Variants in REV3L observed in about 807,000 individuals in gnomAD.
The protein encoded by REV3L is DNA polymerase zeta catalytic subunit.
REV3L carries 69 observed loss-of-function variants against 299.4 expected under a neutral mutation model. The ratio of observed to expected loss-of-function variants is 0.23; its 90% CI spans 0.19 to 0.28. REV3L has a LOEUF of 0.28. Among genes scored for constraint, REV3L ranks in the 10% least tolerant of loss-of-function variants. The pLI, the probability that REV3L is intolerant of heterozygous loss-of-function variation, is 1.00. For synonymous variants in REV3L, 1,238 were observed against 1,271.4 expected, an observed-to-expected ratio of 0.97 and a Z score of 0.56; for missense variants, 3,128 against 3,693.8, an observed-to-expected ratio of 0.85 and a Z score of 3.97.
chr6:111,364,325 T>C (rs966178555), intron 15 of REV3L, among the ~76,000 whole-genome samples: 1 of 152,136 alleles, frequency 6.6e-6, no homozygotes, highest in Non-Finnish European at 1.5e-5. Flanking sequence ...AAGCAATCAA[T>C]ATATTTCCAA....
At chr6:111,314,507 TC>T (rs1773313169) in intron 27 of REV3L, among the ~76,000 whole-genome samples, 1 of 152,180 alleles carries the variant, frequency 6.6e-6, no homozygotes, top group Admixed American at 6.5e-5. Context: ...TGGCTGATGT[TC>T]CAACTAGTAG....
intron 1 of REV3L, among the ~76,000 whole-genome samples, chr6:111,439,254 T>C (rs1343956005): frequency 6.6e-6 from 1 of 152,196 alleles, no homozygotes; most frequent in Non-Finnish European, 1.5e-5. Flanking sequence ...GATTTTCTTA[T>C]TTGAGTTCAA....
intron 1 of REV3L, among the ~76,000 whole-genome samples, chr6:111,446,638 T>C (rs1263219880): frequency 6.6e-6 from 1 of 151,976 alleles, no homozygotes; most frequent in African/African-American, 2.4e-5. Flanking sequence ...GAGGCAGAGG[T>C]TGCAGTGAGC....
At chr6:111,392,777 A>G in intron 5 of REV3L, 99 bp downstream of exon 5, 1 of 728,948 alleles carries the variant, frequency 1.4e-6, no homozygotes, top group East Asian at 2.7e-5. Context: ...AAAAGATCCA[A>G]TACAATAAAA....
Position 111,343,967 on chromosome 6 carries a change from C to T in REV3L, c.7496G>A (p.Arg2499Gln), listed in dbSNP as rs779309475. 6.2e-7 allele frequency: 1 copy of T among 1,613,138 alleles called. No homozygotes were observed. Among genetic ancestry groups the T allele is most frequent in the Non-Finnish European group, 8.5e-7 (1 of 1,179,600 alleles). The change falls in exon 21 of 32, where the codon CGA becomes CAA. Residue 2499 changes from arginine (R) to glutamine (Q), a missense_variant. Coordinates refer to ENST00000368802, the MANE Select transcript of REV3L (RefSeq NM_001372078.1). ...LHQRFPLFTF[R>Q]VLSDWFDNKT... Reference sequence around the variant, plus strand: ...GTTATCAAACCAGTCTGACAAGACTCGAAAGGTAAAGAGGGGAAAACGCTG... The same window carrying T: ...GTTATCAAACCAGTCTGACAAGACTTGAAAGGTAAAGAGGGGAAAACGCTG...
chr6:111,466,581 A>T (rs1791543622), intron 1 of REV3L, among the ~76,000 whole-genome samples: 1 of 152,226 alleles, frequency 6.6e-6, no homozygotes, highest in Admixed American at 6.5e-5. Flanking sequence ...TCATGCCTGT[A>T]ATCTCAGCAC....
rs758477587 is a variant in REV3L, at chr6:111,374,300, G to A, written c.4055C>T (p.Thr1352Met). ...GTCAAATATATTTTTTTGAATTAAC[G>A]TTGATTCCTTTAGAGTAAACATAGC... The part of the protein sequence containing the change: ...QSAMFTLKES[T>M]LIQKNIFDLS... The change falls in exon 13 of 32, where the codon ACG (threonine) becomes ATG (methionine). Residue 1352 changes from threonine to methionine, a missense_variant. Physicochemically the swap from Thr to Met is moderately conservative, Grantham distance 81. Coordinates refer to ENST00000368802, the MANE Select transcript of REV3L (RefSeq NM_001372078.1). The A allele has an allele frequency of 1.1e-5, 17 of 1,613,836 alleles. No individual in the cohort carries two copies. The highest frequency in any genetic ancestry group is 4.5e-5 in the East Asian group (2 of 44,868).
chr6:111,416,271 T>C lies in REV3L; in HGVS notation c.329+12A>G, dbSNP rs775593305. 5.1e-6 allele frequency: 8 copies of C among 1,564,916 alleles called. No individual in the cohort carries two copies. The South Asian group carries it at 5.9e-5, about 12-fold the overall frequency. On this transcript the variant is annotated intron_variant, in intron 2 of 31. Transcript: ENST00000368802. ...TAAACAGAAATTATAAAATATATTA[T>C]CATATACTTACATTCCTGATACTAA...
At chr6:111,478,708 A>G (rs1347391554) in intron 1 of REV3L, among the ~76,000 whole-genome samples, 1 of 152,010 alleles carries the variant, frequency 6.6e-6, no homozygotes, top group Non-Finnish European at 1.5e-5. Context: ...TATATTTATA[A>G]TTGGATAAGC....
chr6:111,375,219 G>T lies in REV3L; in HGVS notation c.3136C>A (p.His1046Asn). Residue 1046 changes from histidine to asparagine, a missense_variant, in exon 13 of 32, where the codon CAC (histidine) becomes AAC (asparagine). Physicochemically the swap from His to Asn is moderately conservative, Grantham distance 68. This residue lies in a region of REV3L where 2,409 missense variants were observed against 2,611.8 expected (regional missense o/e 0.92). Coordinates refer to ENST00000368802, the MANE Select transcript of REV3L (RefSeq NM_001372078.1). ...PIYPLTPKKSHRRKSKHKSAK... is the reference protein window; with the variant it reads ...PIYPLTPKKSNRRKSKHKSAK... ...GATTTATGTTTTGACTTTCTTCTGT[G>T]ACTTTTCTTTGGTGTTAGTGGATAA... The T allele has an allele frequency of 1.2e-6, 2 of 1,612,280 alleles. No homozygotes were observed. Among genetic ancestry groups the T allele is most frequent in the Non-Finnish European group, 8.5e-7 (1 of 1,179,650 alleles).
chr6:111,437,696 G>A (rs555405404), intron 1 of REV3L, among the ~76,000 whole-genome samples: 6 of 152,124 alleles, frequency 3.9e-5, no homozygotes, highest in Non-Finnish European at 5.9e-5. Context: ...GGAATTGGTG[G>A]GAAATGAGTA....
intron 25 of REV3L, among the ~76,000 whole-genome samples, chr6:111,325,818 A>G (rs1774725909): frequency 6.6e-6 from 1 of 152,234 alleles, no homozygotes; most frequent in Admixed American, 6.5e-5. Flanking sequence ...TTAAAAATAT[A>G]CAATAAGTTG....
chr6:111,380,531 T>C (rs1780728558), intron 10 of REV3L, among the ~76,000 whole-genome samples: 1 of 152,176 alleles, frequency 6.6e-6, no homozygotes, highest in Non-Finnish European at 1.5e-5. Context: ...AGTGCTGGGA[T>C]TACAGGCGTG....
rs3218603 is a variant in REV3L at position 111,310,105 on chromosome 6, C to T, written c.8796-6G>A. 1.0e-3 allele frequency: 1,533 copies of T among 1,490,546 alleles called. 25 individuals carry two copies. The Admixed American group carries it at 0.022, about 22-fold the overall frequency. The allele number at this position is 1,490,546 out of a possible 1,614,324, so 92.3% of individuals were successfully genotyped here. On this transcript the variant is annotated splice_region_variant and splice_polypyrimidine_tract_variant and intron_variant, in intron 29 of 31. Coordinates refer to ENST00000368802, the MANE Select transcript of REV3L (RefSeq NM_001372078.1). ...GGTCATAAGTCAGCATTTTCCTATTCGAATTCAAAGAAAAAAACCACACCC... is the reference window on the plus strand; with the variant it reads ...GGTCATAAGTCAGCATTTTCCTATTTGAATTCAAAGAAAAAAACCACACCC...
intron 31 of REV3L, among the ~76,000 whole-genome samples, chr6:111,306,852 G>A (rs1477199947): frequency 6.6e-6 from 1 of 152,098 alleles, no homozygotes; most frequent in Non-Finnish European, 1.5e-5. Flanking sequence ...TTTTAATACT[G>A]TAGATTGAGT....
At chr6:111,351,099 C>T (rs1350991839) in intron 19 of REV3L, among the ~76,000 whole-genome samples, 2 of 151,930 alleles carry the variant, frequency 1.3e-5, no homozygotes, top group Non-Finnish European at 2.9e-5. Context: ...TATTATTATT[C>T]CCTTCTAGTT....
chr6:111,445,648 TG>T (rs1316038744), intron 1 of REV3L, among the ~76,000 whole-genome samples: 2 of 152,126 alleles, frequency 1.3e-5, no homozygotes, highest in African/African-American at 4.8e-5. Flanking sequence ...GAGCTGGGGA[TG>T]GGGTTGTTGC....
intron 26 of REV3L, among the ~76,000 whole-genome samples, chr6:111,319,008 C>T (rs1562114551): frequency 6.6e-6 from 1 of 152,198 alleles, no homozygotes; most frequent in South Asian, 2.1e-4. Flanking sequence ...AATAAGATAA[C>T]TTTTTAGGGT....
At chr6:111,323,156 T>C (rs896138173) in intron 25 of REV3L, among the ~76,000 whole-genome samples, 1 of 152,122 alleles carries the variant, frequency 6.6e-6, no homozygotes, top group Non-Finnish European at 1.5e-5. Context: ...ACCCAGAGAA[T>C]TTTTGTATTT....
Sources: gnomAD v4.1 joint callset for allele counts (sites outside exome capture counted in the v4.1 genomes callset) on GRCh38, gnomAD v4.1.1 for gene constraint, gnomAD v4.1.1 regional missense constraint, MANE v1.5 for transcripts, NCBI Gene and HGNC (gene_info 2026-07-23, HGNC 2026-07-21) for gene names.